The following ZNF625 variants were observed in gnomAD, a reference collection of about 807,000 sequenced individuals.
The protein encoded by ZNF625 is zinc finger protein 625.
A neutral mutation model predicts 11.1 loss-of-function variants in ZNF625; 8 were observed. That is an observed-to-expected ratio of 0.72 (90% confidence interval 0.42 to 1.30). The LOEUF (loss-of-function observed/expected upper bound fraction) is 1.30. Ranked by LOEUF, ZNF625 falls within the 50% of genes most tolerant of loss-of-function variation. ZNF625 has a pLI of 0.01. For synonymous variants in ZNF625, 145 were observed against 153.4 expected, an observed-to-expected ratio of 0.95 and a Z score of 0.41; for missense variants, 349 against 447.6, an observed-to-expected ratio of 0.78 and a Z score of 1.99.
chr19:12,148,717 G>T (rs1271300741), intron 1 of ZNF625, among the ~76,000 whole-genome samples: 1 of 150,672 alleles, frequency 6.6e-6, no homozygotes, highest in Non-Finnish European at 1.5e-5. Flanking sequence ...AGCCTCCCAG[G>T]TTCAAGCAAT....
chr19:12,146,200 T>C lies in ZNF625; in HGVS notation c.216A>G (p.Leu72=). Residue 72 remains leucine, a synonymous_variant, in exon 4 of 4, where the codon TTA becomes TTG. Coordinates refer to ENST00000439556, the MANE Select transcript of ZNF625 (RefSeq NM_145233.4). ...CATGCTGATGATCTTTCTTACTTTCTAAGAGTCTCTCTCCCATAAGACCTC... is the reference window on the plus strand; with the variant it reads ...CATGCTGATGATCTTTCTTACTTTCCAAGAGTCTCTCTCCCATAAGACCTC... ...NLRGLMGERL[L]ESKKDHQHGE... 1.2e-6 allele frequency: 2 copies of C among 1,614,010 alleles called. No homozygotes were observed. The highest frequency in any genetic ancestry group is 1.7e-6 in the Non-Finnish European group (2 of 1,180,012).
At chr19:12,149,502 T>A (rs1049021099) in intron 1 of ZNF625, among the ~76,000 whole-genome samples, 4 of 151,948 alleles carry the variant, frequency 2.6e-5, no homozygotes, top group African/African-American at 9.7e-5. Flanking sequence ...AAAAGAAAAA[T>A]ACAGTATGAT....
intron 1 of ZNF625, among the ~76,000 whole-genome samples, chr19:12,151,822 G>GT (rs1976960685): frequency 6.6e-6 from 1 of 152,150 alleles, no homozygotes; most frequent in East Asian, 1.9e-4. Flanking sequence ...CCATACTCCT[G>GT]TATTTCTTCA....
In ZNF625 at chr19:12,145,683, T is replaced by C. The variant is rs768046074; in HGVS notation, c.733A>G (p.Lys245Glu). The change falls in exon 4 of 4, where the codon AAG becomes GAG. Residue 245 changes from lysine to glutamate, a missense_variant. Transcript: ENST00000439556. ...RIHERTHTGE[K>E]PYECSECGKA... The stretch of plus-strand genomic sequence containing the variant: ...CCACACTCACTGCATTCATAAGGCT[T>C]CTCTCCAGTGTGAGTTCTTTCATGT... 6.2e-7 allele frequency: 1 copy of C among 1,614,190 alleles called. No homozygotes were observed. The highest frequency in any genetic ancestry group is 8.5e-7 in the Non-Finnish European group (1 of 1,180,044).
In ZNF625 at chr19:12,145,710, T is replaced by C; in HGVS notation, c.706A>G (p.Ile236Val). Residue 236 changes from isoleucine to valine, a missense_variant, in exon 4 of 4, where the codon ATA (isoleucine) becomes GTA (valine). Ile to Val is a conservative substitution (Grantham distance 29). Transcript: ENST00000439556. Reference sequence around the variant, plus strand: ...TCTCCAGTGTGAGTTCTTTCATGTATTCGAAGGCTACCAGAATGACTAAAG... The same window carrying C: ...TCTCCAGTGTGAGTTCTTTCATGTACTCGAAGGCTACCAGAATGACTAAAG... ...KAFSHSGSLRIHERTHTGEKP... is the reference protein window; with the variant it reads ...KAFSHSGSLRVHERTHTGEKP... The C allele has an allele frequency of 1.2e-6, 2 of 1,614,176 alleles. No homozygotes were observed. Among genetic ancestry groups the C allele is most frequent in the Non-Finnish European group, 8.5e-7 (1 of 1,180,036 alleles).
intron 1 of ZNF625, among the ~76,000 whole-genome samples, chr19:12,155,783 C>CA: frequency 6.6e-6 from 1 of 152,254 alleles, no homozygotes; most frequent in East Asian, 1.9e-4. Context: ...TCATTTTTTT[C>CA]AAACTCCTAT....
At chr19:12,151,485 T>A (rs1976954993) in intron 1 of ZNF625, among the ~76,000 whole-genome samples, 1 of 150,686 alleles carries the variant, frequency 6.6e-6, no homozygotes, top group South Asian at 2.1e-4. Flanking sequence ...GGTTAACGCC[T>A]TTCTCCTGCC....
chr19:12,146,647 G>T (rs955836842), intron 3 of ZNF625, among the ~76,000 whole-genome samples: 6 of 152,108 alleles, frequency 3.9e-5, no homozygotes, highest in Non-Finnish European at 8.8e-5. Context: ...TCCCTGGCTG[G>T]TCTCAAACTC....
At chr19:12,151,081 C>A (rs1403912579) in intron 1 of ZNF625, among the ~76,000 whole-genome samples, 5 of 148,850 alleles carry the variant, frequency 3.4e-5, no homozygotes, top group Admixed American at 1.3e-4. Flanking sequence ...ATACTCTTTG[C>A]AATTTATTTC....
At position 12,146,850 on chromosome 19, in the gene ZNF625, G is replaced by A. The variant is rs576349301; in HGVS notation, c.191+545C>T. ...AGAGTGTAATGGTGCTATCATGGCCGAGTGTAGCCTCAAACTCTTCAGCTC... is the reference window on the plus strand; with the variant it reads ...AGAGTGTAATGGTGCTATCATGGCCAAGTGTAGCCTCAAACTCTTCAGCTC... On this transcript the variant is annotated intron_variant, in intron 3 of 3. Transcript: ENST00000439556. Among the ~76,000 whole-genome samples, 188 of 152,130 alleles carry A rather than the reference G, an allele frequency of 1.2e-3. 1 individual carries two copies. Among genetic ancestry groups the A allele is most frequent in the Admixed American group, 1.9e-3 (29 of 15,262 alleles).
chr19:12,147,160 G>A (rs1476058231), intron 3 of ZNF625, among the ~76,000 whole-genome samples: 3 of 151,830 alleles, frequency 2.0e-5, no homozygotes, highest in Non-Finnish European at 2.9e-5. Context: ...GTAGAGACAG[G>A]GTTTCACCAT....
chr19:12,156,369 T>TGGGG (rs1977026503), intron 1 of ZNF625, among the ~76,000 whole-genome samples, 187 bp downstream of exon 1: 1 of 152,140 alleles, frequency 6.6e-6, no homozygotes, highest in Admixed American at 6.5e-5. Context: ...ACAGGACGCC[T>TGGGG]GGGGTCCCGG....
chr19:12,156,365 C>A (rs1967054052), intron 1 of ZNF625, among the ~76,000 whole-genome samples, 191 bp downstream of exon 1: 1 of 152,198 alleles, frequency 6.6e-6, no homozygotes, highest in African/African-American at 2.4e-5. Context: ...CGGGACAGGA[C>A]GCCTGGGGTC....
chr19:12,147,028 A>G (rs1351174062), intron 3 of ZNF625, among the ~76,000 whole-genome samples: 1 of 146,822 alleles, frequency 6.8e-6, no homozygotes, highest in Non-Finnish European at 1.5e-5. Context: ...GTGCAGTGGC[A>G]TGATCTCGGC....
chr19:12,144,949 C>T lies in ZNF625; in HGVS notation c.*348G>A, dbSNP rs191469429. The T allele has an allele frequency of 4.1e-5, 8 of 196,044 alleles. No homozygotes were observed. Among genetic ancestry groups the T allele is most frequent in the Admixed American group, 3.2e-4 (6 of 18,590 alleles). The allele number at this position is 196,044 out of a possible 1,614,324, so 12.1% of individuals were successfully genotyped here. A position where few individuals can be genotyped will look rare whatever the true frequency, so the allele number is the denominator to read the frequency against. On this transcript the variant is annotated 3_prime_UTR_variant, in exon 4 of 4. Coordinates refer to ENST00000439556, the MANE Select transcript of ZNF625 (RefSeq NM_145233.4). ...CAGGCTGGTCTCGAACTACTGACCT[C>T]GTGGTCCGCCTGCCTCGGCCTCCCA...
At chr19:12,155,974 C>G (rs1457108616) in intron 1 of ZNF625, among the ~76,000 whole-genome samples, 2 of 152,096 alleles carry the variant, frequency 1.3e-5, no homozygotes, top group African/African-American at 4.8e-5. Context: ...CCTCAGCCCC[C>G]CAGTAGCTGG....
chr19:12,145,354 AGT>A lies in ZNF625; in HGVS notation c.1060_1061del (p.Thr354TrpfsTer6), dbSNP rs1976852333. 2.5e-6 allele frequency: 4 copies of A among 1,614,100 alleles called. No homozygotes were observed. The highest frequency in any genetic ancestry group is 2.2e-5 in the East Asian group (1 of 44,886). ...TGTTGGAGCTACAGGGTTTTTCTCC[AGT>A]GTGAGTCCTTTCATGGATTTTAACG... ...SSVKIHERTHTGEKPCSSNTS... is the reference protein window; with the variant it reads ...SSVKIHERTHXGEKPCSSNTS... On this transcript the variant is annotated frameshift_variant, in exon 4 of 4. Transcript: ENST00000439556. LOFTEE classifies it low-confidence loss of function (END_TRUNC).
At chr19:12,147,929 G>A in intron 1 of ZNF625, 127 bp from the exon 2 acceptor site, 1 of 1,146,972 alleles carries the variant, frequency 8.7e-7, no homozygotes, top group Non-Finnish European at 1.2e-6. Flanking sequence ...CTGGTCATCA[G>A]ACTTTTTACT....
Position 12,145,564 on chromosome 19 carries a change from A to G in ZNF625, c.852T>C (p.Phe284=). 6.2e-7 allele frequency: 1 copy of G among 1,608,194 alleles called. No individual in the cohort carries two copies. Among genetic ancestry groups the G allele is most frequent in the Non-Finnish European group, 8.5e-7 (1 of 1,174,716 alleles). The stretch of plus-strand genomic sequence containing the variant: ...GATATCGAACGGAATTGAAAGAAAC[A>G]AAGGCTTTCCCACACTGTTTACATT... ...PYECKQCGKA[F]VSFNSVRYHE... is the part of the protein sequence containing the mutation. The change falls in exon 4 of 4, where the codon TTT becomes TTC. Residue 284 remains phenylalanine, a synonymous_variant. Transcript: ENST00000439556.
Sources: gnomAD v4.1 joint callset for allele counts (sites outside exome capture counted in the v4.1 genomes callset) on GRCh38, gnomAD v4.1.1 for gene constraint, MANE v1.5 for transcripts, NCBI Gene and HGNC (gene_info 2026-07-23, HGNC 2026-07-21) for gene names.